Variants in EARS2 observed in about 807,000 individuals in gnomAD.
The protein encoded by EARS2 is nondiscriminating glutamyl-tRNA synthetase EARS2, mitochondrial.
EARS2 carries 50 observed loss-of-function variants against 54.1 expected under a neutral mutation model. That is an observed-to-expected ratio of 0.92 (90% CI 0.74 to 1.17). The LOEUF (loss-of-function observed/expected upper bound fraction) is 1.17, where lower values mean the gene tolerates loss of function less well. EARS2 is among the 50% of genes most tolerant of loss of function. The probability of loss-of-function intolerance (pLI) is 0.00; values close to 1 mark genes in which losing one functional copy is unlikely to be tolerated. For synonymous variants in EARS2, 298 were observed against 281.0 expected (o/e 1.06, Z -0.61); for missense variants, 673 against 675.0 (o/e 1.00, Z 0.03).
chr16:23,525,024 G>A, intron 8 of EARS2: 1 of 626,450 alleles, frequency 1.6e-6, no homozygotes, highest in South Asian at 2.0e-5. Flanking sequence ...CAGAGATTAT[G>A]TATGTGTGTT....
At chr16:23,544,850 T>C in intron 2 of EARS2, 147 bp from the exon 3 acceptor site, 1 of 730,246 alleles carries the variant, frequency 1.4e-6, no homozygotes, top group Non-Finnish European at 2.1e-6. Context: ...CCGCCGCCTT[T>C]TTTTTTGAGG....
At chr16:23,551,487 G>A (rs767284477) in intron 2 of EARS2, among the ~76,000 whole-genome samples, 3 of 152,064 alleles carry the variant, frequency 2.0e-5, no homozygotes, top group African/African-American at 4.8e-5. Flanking sequence ...GTGGTGGTGC[G>A]TGCCTGTAGT....
chr16:23,537,245 C>G lies in EARS2; in HGVS notation c.486-1885G>C, dbSNP rs188470574. On this transcript the variant is annotated intron_variant, in intron 3 of 8. Coordinates refer to ENST00000449606, the MANE Select transcript of EARS2 (RefSeq NM_001083614.2). ...AGAGCAGCGGCAGTAAACATAATAA[C>G]ATGTTTATTTTCTTTTTTAAATTTC... 586 of 157,418 alleles carry G rather than the reference C, an allele frequency of 3.7e-3. 13 individuals are homozygous for G. Among genetic ancestry groups the G allele is most frequent in the Non-Finnish European group, 4.4e-3 (314 of 70,620 alleles). The allele number at this position is 157,418 out of a possible 1,614,324, so 9.8% of individuals were successfully genotyped here. A position where few individuals can be genotyped will look rare whatever the true frequency, so the allele number is the denominator to read the frequency against.
chr16:23,553,357 G>C (rs965309828), intron 1 of EARS2, among the ~76,000 whole-genome samples: 1 of 152,106 alleles, frequency 6.6e-6, no homozygotes, highest in Non-Finnish European at 1.5e-5. Context: ...GAAGCAGAGA[G>C]TTATTCATTG....
chr16:23,551,669 C>G (rs893927408), intron 2 of EARS2, among the ~76,000 whole-genome samples: 1 of 152,212 alleles, frequency 6.6e-6, no homozygotes, highest in South Asian at 2.1e-4. Flanking sequence ...CCTATAATCC[C>G]AGCACTTTGG....
intron 1 of EARS2, among the ~76,000 whole-genome samples, chr16:23,553,649 T>C (rs1019276059): frequency 6.6e-6 from 1 of 151,936 alleles, no homozygotes. Flanking sequence ...CCCAGCACTT[T>C]GGGAGGCCGA....
intron 2 of EARS2, among the ~76,000 whole-genome samples, chr16:23,549,377 G>A (rs1289737574): frequency 2.0e-5 from 3 of 152,242 alleles, no homozygotes; most frequent in Non-Finnish European, 2.9e-5. Context: ...GCCATGGCAG[G>A]TGTGGGATCC....
Position 23,524,338 on chromosome 16 carries a change from A to AGGGCGATCTCCAC in EARS2, c.*20_*32dup. 7.6e-6 allele frequency: 12 copies of AGGGCGATCTCCAC among 1,585,466 alleles called. No homozygotes were observed. The highest frequency in any genetic ancestry group is 1.0e-5 in the Non-Finnish European group (12 of 1,153,894). On this transcript the variant is annotated 3_prime_UTR_variant, in exon 9 of 9. Transcript: ENST00000449606. The stretch of plus-strand genomic sequence containing the variant: ...GCTGTTTCTAAGCTCACAGGTTCTT[A>AGGGCGATCTCCAC]GGGCGATCTCCACTGCCCGAAACAT...
At chr16:23,548,349 G>T (rs1597024522) in intron 2 of EARS2, among the ~76,000 whole-genome samples, 2 of 152,188 alleles carry the variant, frequency 1.3e-5, no homozygotes, top group South Asian at 2.1e-4. Flanking sequence ...TGAGGTGCCT[G>T]AATACCTGCC....
chr16:23,540,430 G>C (rs1388856439), intron 3 of EARS2, among the ~76,000 whole-genome samples: 1 of 152,236 alleles, frequency 6.6e-6, no homozygotes, highest in Admixed American at 6.5e-5. Context: ...ATAGTTCACT[G>C]GAACTGCAAT....
chr16:23,546,288 C>T (rs1965601587), intron 2 of EARS2: 1 of 419,902 alleles, frequency 2.4e-6, no homozygotes. Flanking sequence ...CCTCAAAGAG[C>T]TTTCAAAGGA....
chr16:23,552,344 G>A (rs1222408965), intron 1 of EARS2, 40 bp from the exon 2 acceptor site: 2 of 1,605,514 alleles, frequency 1.2e-6, no homozygotes, highest in Admixed American at 3.4e-5. Flanking sequence ...GGGAAGATAA[G>A]CTAATAGGCC....
intron 1 of EARS2, among the ~76,000 whole-genome samples, chr16:23,552,684 A>G (rs1317299924): frequency 1.3e-5 from 2 of 152,168 alleles, no homozygotes; most frequent in East Asian, 3.9e-4. Flanking sequence ...AGAGACAGGC[A>G]TTCGCCATGT....
At chr16:23,525,079 T>C in intron 8 of EARS2, 165 bp downstream of exon 8, 1 of 829,312 alleles carries the variant, frequency 1.2e-6, no homozygotes, top group Non-Finnish European at 2.0e-6. Context: ...TGCTTGCACA[T>C]AGTAGGTACT....
intron 2 of EARS2, among the ~76,000 whole-genome samples, chr16:23,545,611 T>C (rs1965590488): frequency 6.6e-6 from 1 of 152,176 alleles, no homozygotes; most frequent in African/African-American, 2.4e-5. Flanking sequence ...CCCAGACTAA[T>C]GGGCACCGGA....
Position 23,557,260 on chromosome 16 carries a change from G to T in EARS2, c.84C>A (p.Asn28Lys), listed in dbSNP as rs778347650. 13 of 1,525,552 alleles carry T rather than the reference G, an allele frequency of 8.5e-6. No individual in the cohort carries two copies. The African/African-American group carries it at 1.7e-4, about 20-fold the overall frequency. 94.5% of individuals were successfully genotyped at this position (1,525,552 alleles called of 1,614,324 possible). ...SGRPVGRREA[N>K]LGTDAGVAVR... The stretch of plus-strand genomic sequence containing the variant: ...CCGCAACCCCGGCATCAGTGCCCAG[G>T]TTGGCCTCGCGCCGTCCTACGGGGC... The change falls in exon 1 of 9, where the codon AAC becomes AAA. Residue 28 changes from asparagine to lysine, a missense_variant. This residue lies in a region of EARS2 where 316 missense variants were observed against 275.2 expected (regional missense o/e 1.15). Transcript: ENST00000449606.
rs1688257919 is a variant in EARS2 at position 23,522,869 on chromosome 16, G to C, written c.*1502C>G. The C allele has an allele frequency of 1.3e-5, 2 of 152,282 alleles. No individual in the cohort carries two copies. Among genetic ancestry groups the C allele is most frequent in the Admixed American group, 1.3e-4 (2 of 15,282 alleles). The allele number at this position is 152,282 out of a possible 1,614,324, so 9.4% of individuals were successfully genotyped here. On this transcript the variant is annotated 3_prime_UTR_variant, in exon 9 of 9. Transcript: ENST00000449606. ...ATTGCGGTCATGTGAATGCTTGGCT[G>C]GAATTGAAGGACCAGCTTTCAAGAT...
At chr16:23,552,093 C>T (rs1374943197) in intron 2 of EARS2, 56 bp downstream of exon 2, 1 of 1,586,958 alleles carries the variant, frequency 6.3e-7, no homozygotes, top group African/African-American at 1.3e-5. Context: ...CCACAGGCTC[C>T]TTTTCCTGCT....
At chr16:23,533,307 A>C (rs1965357240) in intron 4 of EARS2, among the ~76,000 whole-genome samples, 2 of 151,956 alleles carry the variant, frequency 1.3e-5, no homozygotes, top group Admixed American at 1.3e-4. Context: ...ACACACATAC[A>C]TACATACATT....
Sources: allele counts gnomAD v4.1 joint callset (sites outside exome capture counted in the v4.1 genomes callset), GRCh38; gene constraint gnomAD v4.1.1; regional missense constraint gnomAD v4.1.1; transcripts MANE v1.5; gene names NCBI Gene and HGNC (gene_info 2026-07-23, HGNC 2026-07-21).